Variants in LSAMP observed in about 807,000 individuals in gnomAD.
LSAMP encodes limbic system associated membrane protein.
In LSAMP, 7 loss-of-function variants were observed where a neutral mutation model predicts 38.6. The ratio of observed to expected loss-of-function variants is 0.18; its 90% CI spans 0.10 to 0.34. LSAMP has a LOEUF of 0.34. LSAMP is among the 10% of genes least tolerant of loss of function. The pLI is 1.00. For missense variants in LSAMP, 313 were observed against 420.0 expected, an observed-to-expected ratio of 0.75 and a Z score of 2.23; for synonymous variants, 154 against 166.8, an observed-to-expected ratio of 0.92 and a Z score of 0.59.
chr3:116,444,959 T>C lies in LSAMP; in HGVS notation c.73A>G (p.Thr25Ala). Residue 25 changes from threonine (T) to alanine (A), a missense_variant, in exon 1 of 7, where the codon ACA becomes GCA. Physicochemically the swap from Thr to Ala is moderately conservative, Grantham distance 58 (BLOSUM62 0). Coordinates refer to ENST00000490035, the MANE Select transcript of LSAMP (RefSeq NM_002338.5). The part of the protein sequence containing the change: ...VLLRLLCLLP[T>A]GLPVRSVDFN... ...TCCACGCTGCGAACAGGCAGTCCTG[T>C]GGGAAGAAGGCAGAGCAATCTCAGT... The C allele has an allele frequency of 6.2e-7, 1 of 1,614,040 alleles. No individual in the cohort carries two copies. Among genetic ancestry groups the C allele is most frequent in the Non-Finnish European group, 8.5e-7 (1 of 1,180,008 alleles).
At chr3:116,313,718 C>T (rs1285381046) in intron 1 of LSAMP, among the ~76,000 whole-genome samples, 2 of 152,326 alleles carry the variant, frequency 1.3e-5, no homozygotes, top group Middle Eastern at 3.4e-3. Context: ...CTTTGGGAGG[C>T]CAAGGTGGGT....
rs1246936424 is a variant in LSAMP at position 115,897,158 on chromosome 3, G to A, written c.515-44541C>T. On this transcript the variant is annotated intron_variant, in intron 3 of 6. Coordinates refer to ENST00000490035, the MANE Select transcript of LSAMP (RefSeq NM_002338.5). The stretch of plus-strand genomic sequence containing the variant: ...AGGGTTCGGCTATGGTATGTGTGTG[G>A]CAGGGGGAGGGAGGAGGTATTGCTT... Among the ~76,000 whole-genome samples, 7 of 152,176 alleles carry A rather than the reference G, an allele frequency of 4.6e-5. 2 individuals carry two copies. In the South Asian group the frequency reaches 1.2e-3, roughly 27 times the overall value.
At chr3:116,355,061 T>A (rs1329540952) in intron 1 of LSAMP, among the ~76,000 whole-genome samples, 2 of 152,176 alleles carry the variant, frequency 1.3e-5, no homozygotes, top group Admixed American at 1.3e-4. Flanking sequence ...TATTAGCTAT[T>A]GATTCTATAA....
intron 1 of LSAMP, among the ~76,000 whole-genome samples, chr3:116,310,911 GTTGTT>G (rs2047549679): frequency 1.9e-5 from 1 of 51,642 alleles, no homozygotes; most frequent in Non-Finnish European, 4.7e-5. Flanking sequence ...ATGATGATAA[GTTGTT>G]TTTTTTTTTT....
At chr3:116,112,749 A>T (rs981893804) in intron 1 of LSAMP, among the ~76,000 whole-genome samples, 4 of 152,182 alleles carry the variant, frequency 2.6e-5, no homozygotes, top group African/African-American at 4.8e-5. Flanking sequence ...ATGAAAATAA[A>T]ATTAGGTGAA....
intron 3 of LSAMP, among the ~76,000 whole-genome samples, chr3:115,896,610 C>T: frequency 6.6e-6 from 1 of 151,888 alleles, no homozygotes; most frequent in Admixed American, 6.6e-5. Flanking sequence ...TGAACTTGTA[C>T]CATTCATTTA....
At chr3:116,043,540 C>T (rs1941219516) in intron 2 of LSAMP, among the ~76,000 whole-genome samples, 1 of 152,122 alleles carries the variant, frequency 6.6e-6, no homozygotes. Flanking sequence ...GAAATGCTAT[C>T]CAACAAAACT....
intron 3 of LSAMP, among the ~76,000 whole-genome samples, chr3:115,927,689 C>G (rs553478319): frequency 1.3e-5 from 2 of 152,250 alleles, no homozygotes; most frequent in East Asian, 1.9e-4. Context: ...TTAAACATGC[C>G]GGGCATATGC....
chr3:116,157,922 A>G (rs1709792221), intron 1 of LSAMP, among the ~76,000 whole-genome samples: 2 of 152,186 alleles, frequency 1.3e-5, no homozygotes, highest in South Asian at 2.1e-4. Context: ...CTTCAGGTCA[A>G]TATTCTTAAT....
chr3:116,116,038 T>C (rs1259114286), intron 1 of LSAMP, among the ~76,000 whole-genome samples: 2 of 151,692 alleles, frequency 1.3e-5, no homozygotes, highest in Non-Finnish European at 2.9e-5. Context: ...TCTTTTTTTT[T>C]CTTCTGTATT....
chr3:115,935,260 TGGAA>T (rs1344934022), intron 3 of LSAMP, among the ~76,000 whole-genome samples: 1 of 152,160 alleles, frequency 6.6e-6, no homozygotes, highest in African/African-American at 2.4e-5. Flanking sequence ...CAGTTTTAGA[TGGAA>T]GGAAGACTTG....
rs1339062976 is a variant in LSAMP at position 116,081,452 on chromosome 3, CA to C, written c.388+4871del. Among the ~76,000 whole-genome samples the C allele has an allele frequency of 1.5e-3, 196 of 127,222 alleles. 1 individual carries two copies. Among genetic ancestry groups the C allele is most frequent in the Middle Eastern group, 4.2e-3 (1 of 240 alleles). 83.5% of individuals were successfully genotyped at this position (127,222 alleles called of 152,430 possible). On this transcript the variant is annotated intron_variant, in intron 2 of 6. Coordinates refer to ENST00000490035, the MANE Select transcript of LSAMP (RefSeq NM_002338.5). ...CTGGCGACAGAGCAAGACTCTGTCT[CA>C]AAAAAAAAAAAGAGGTTGGGTTTCC...
At chr3:116,247,381 T>C (rs2046618142) in intron 1 of LSAMP, among the ~76,000 whole-genome samples, 1 of 152,170 alleles carries the variant, frequency 6.6e-6, no homozygotes. Context: ...TTTCTTAATT[T>C]GTGAATAAAG....
intron 3 of LSAMP, among the ~76,000 whole-genome samples, chr3:115,859,071 C>T (rs1005846547): frequency 6.6e-6 from 1 of 152,196 alleles, no homozygotes; most frequent in East Asian, 1.9e-4. Flanking sequence ...CAGTAGGGTT[C>T]TGTTTGTATT....
intron 1 of LSAMP, among the ~76,000 whole-genome samples, chr3:116,419,900 C>A (rs750103216): frequency 6.6e-6 from 1 of 152,142 alleles, no homozygotes; most frequent in Non-Finnish European, 1.5e-5. Flanking sequence ...ATACCTTTTA[C>A]AAAAATAACT....
At chr3:116,309,361 G>A (rs1322134384) in intron 1 of LSAMP, among the ~76,000 whole-genome samples, 1 of 152,094 alleles carries the variant, frequency 6.6e-6, no homozygotes, top group Non-Finnish European at 1.5e-5. Context: ...ATAAAAATGT[G>A]TGATAGTCTG....
intron 1 of LSAMP, among the ~76,000 whole-genome samples, chr3:116,405,556 T>G (rs1465946628): frequency 2.0e-5 from 3 of 151,890 alleles, no homozygotes; most frequent in African/African-American, 7.3e-5. Context: ...CATCTTGACT[T>G]TAAATGAACA....
chr3:116,241,720 A>G (rs1185701366), intron 1 of LSAMP, among the ~76,000 whole-genome samples: 1 of 152,238 alleles, frequency 6.6e-6, no homozygotes, highest in African/African-American at 2.4e-5. Context: ...CTAGCCATAT[A>G]CTTAAGGTCC....
intron 1 of LSAMP, among the ~76,000 whole-genome samples, chr3:116,135,040 G>A (rs1265862873): frequency 6.6e-6 from 1 of 152,156 alleles, no homozygotes; most frequent in Non-Finnish European, 1.5e-5. Flanking sequence ...TCACTAAAAC[G>A]AATTTTCCAT....
Sources: allele counts gnomAD v4.1 joint callset (sites outside exome capture counted in the v4.1 genomes callset), GRCh38; gene constraint gnomAD v4.1.1; transcripts MANE v1.5; gene names NCBI Gene and HGNC (gene_info 2026-07-23, HGNC 2026-07-21).